The following SEMA5B variants were observed in gnomAD, a reference collection of about 807,000 sequenced individuals.
SEMA5B encodes the protein semaphorin-5B.
Under a neutral mutation model 135.0 loss-of-function variants are expected in SEMA5B, and 66 were observed. The ratio of observed to expected loss-of-function variants is 0.49; its 90% confidence interval spans 0.40 to 0.60. SEMA5B has a LOEUF of 0.60. Ranked by LOEUF, SEMA5B falls within the 20% of genes least tolerant of loss-of-function variation. The pLI, the probability that SEMA5B is intolerant of heterozygous loss-of-function variation, is 0.00. For synonymous variants in SEMA5B, 690 were observed against 639.5 expected, an observed-to-expected ratio of 1.08 and a Z score of -1.19; for missense variants, 1,501 against 1,566.3, an observed-to-expected ratio of 0.96 and a Z score of 0.70.
chr3:122,977,628 C>A (rs1941377639), intron 1 of SEMA5B, among the ~76,000 whole-genome samples: 1 of 152,174 alleles, frequency 6.6e-6, no homozygotes, highest in Non-Finnish European at 1.5e-5. Flanking sequence ...TCCAAAAACA[C>A]CCTCACAAAA....
At chr3:123,025,954 C>G (rs1222994576) in intron 1 of SEMA5B, among the ~76,000 whole-genome samples, 1 of 152,176 alleles carries the variant, frequency 6.6e-6, no homozygotes, top group Non-Finnish European at 1.5e-5. Context: ...CCTCTTGCCC[C>G]TTCCTCAAGG....
chr3:123,024,959 G>A (rs1325071517), intron 1 of SEMA5B, among the ~76,000 whole-genome samples: 3 of 152,154 alleles, frequency 2.0e-5, no homozygotes, highest in Non-Finnish European at 4.4e-5. Context: ...ATTTGAATTT[G>A]TGCTTCCCCT....
chr3:122,926,281 C>G (rs1938625866), intron 9 of SEMA5B, 111 bp downstream of exon 9: 1 of 1,056,386 alleles, frequency 9.5e-7, no homozygotes, highest in African/African-American at 1.6e-5. Context: ...CTCAGATGAC[C>G]CCCGGCAGGA....
chr3:122,913,016 G>C lies in SEMA5B; in HGVS notation c.2552C>G (p.Thr851Arg). The change falls in exon 18 of 23, where the codon ACG (threonine) becomes AGG (arginine). Residue 851 changes from threonine to arginine, a missense_variant. This residue lies in a region of SEMA5B where 927 missense variants were observed against 881.6 expected (regional missense o/e 1.05). Transcript: ENST00000357599. ...LLRSGSTSPH[T>R]VSGGWAAWGP... ...CCAGGCGGCCCAGCCCCCGCTCACC[G>C]TGTGCGGGGAGGTGCTCCCGCTGCG... 3.1e-6 allele frequency: 5 copies of C among 1,597,450 alleles called. No homozygotes were observed. Among genetic ancestry groups the C allele is most frequent in the Non-Finnish European group, 4.3e-6 (5 of 1,172,468 alleles).
chr3:122,954,520 G>C (rs975960903), intron 2 of SEMA5B, among the ~76,000 whole-genome samples: 1 of 152,202 alleles, frequency 6.6e-6, no homozygotes, highest in African/African-American at 2.4e-5. Flanking sequence ...AGGGCAGGAG[G>C]CAACCTGCCC....
Position 122,913,921 on chromosome 3 carries a change from C to G in SEMA5B, c.2069G>C (p.Ser690Thr). The change falls in exon 15 of 23, where the codon AGT (serine) becomes ACT (threonine). Residue 690 changes from serine to threonine, a missense_variant. By Grantham distance (58) the Ser-to-Thr change is moderately conservative. Coordinates refer to ENST00000357599, the MANE Select transcript of SEMA5B (RefSeq NM_001031702.4). ...CGIGFQVRQR[S>T]CSNPAPRHGG... ...GTGGCGGGGAGCAGGGTTGCTGCAA[C>G]TTCGCTGGCGGACCTGGAAGCCGAT... 1 of 1,612,838 alleles carries G rather than the reference C, an allele frequency of 6.2e-7. No individual in the cohort carries two copies. Among genetic ancestry groups the G allele is most frequent in the Non-Finnish European group, 8.5e-7 (1 of 1,179,932 alleles).
rs542141004 is a variant in SEMA5B, at chr3:122,962,490, G to A, written c.-38-1189C>T. 9.9e-5 allele frequency among the ~76,000 whole-genome samples: 15 copies of A among 152,228 alleles called. No homozygotes were observed. In the East Asian group the frequency reaches 1.9e-3, roughly 20 times the overall value. On this transcript the variant is annotated intron_variant, in intron 1 of 22. Coordinates refer to ENST00000357599, the MANE Select transcript of SEMA5B (RefSeq NM_001031702.4). ...GGGTCTGTCCCGTGAGAAAGAGGACGGCCACAAAATGGAAAGGGGAGATTG... is the reference window on the plus strand; with the variant it reads ...GGGTCTGTCCCGTGAGAAAGAGGACAGCCACAAAATGGAAAGGGGAGATTG...
rs139964637 is a variant in SEMA5B, at chr3:122,962,628, T to C, written c.-38-1327A>G. ...AGGATTTTCCAAAGTGTTCTTTAAGTAATGAGTTCCACTGTGTTCCTAAAA... is the reference window on the plus strand; with the variant it reads ...AGGATTTTCCAAAGTGTTCTTTAAGCAATGAGTTCCACTGTGTTCCTAAAA... On this transcript the variant is annotated intron_variant, in intron 1 of 22. Transcript: ENST00000357599. Among the ~76,000 whole-genome samples the C allele has an allele frequency of 4.8e-3, 727 of 151,648 alleles. 4 individuals are homozygous for C. Among genetic ancestry groups the C allele is most frequent in the African/African-American group, 0.017 (687 of 41,536 alleles).
chr3:122,917,779 G>T (rs1427827356), intron 12 of SEMA5B, among the ~76,000 whole-genome samples: 1 of 151,370 alleles, frequency 6.6e-6, no homozygotes, highest in Non-Finnish European at 1.5e-5. Context: ...TTCACTCAAG[G>T]ACAATTTGGG....
At chr3:122,955,079 G>C (rs961060851) in intron 2 of SEMA5B, among the ~76,000 whole-genome samples, 11 of 151,716 alleles carry the variant, frequency 7.3e-5, no homozygotes, top group African/African-American at 2.4e-4. Context: ...TGGGATTGCA[G>C]GTGTTGAGCC....
chr3:122,926,113 C>A (rs561887940), intron 9 of SEMA5B, among the ~76,000 whole-genome samples: 72 of 152,318 alleles, frequency 4.7e-4, no homozygotes, highest in Non-Finnish European at 9.6e-4. Context: ...TATATCCCCT[C>A]ATCCAAGGCA....
At chr3:122,963,786 T>G (rs1211622286) in intron 1 of SEMA5B, among the ~76,000 whole-genome samples, 1 of 152,228 alleles carries the variant, frequency 6.6e-6, no homozygotes, top group African/African-American at 2.4e-5. Flanking sequence ...ATAAAAATAT[T>G]GAACCCTGTT....
At chr3:122,987,090 A>G (rs1941724942) in intron 1 of SEMA5B, among the ~76,000 whole-genome samples, 1 of 152,118 alleles carries the variant, frequency 6.6e-6, no homozygotes, top group Non-Finnish European at 1.5e-5. Context: ...GAACCGGCGG[A>G]AAAAGGGATG....
rs140667505 is a variant in SEMA5B at position 122,930,895 on chromosome 3, C to A, written c.475-1837G>T. On this transcript the variant is annotated intron_variant, in intron 5 of 22. Transcript: ENST00000357599. ...CCAAGATGACTCCAGACAATTGACACCAGAACTAAGCTCTTTCTGCTACAT... is the reference window on the plus strand; with the variant it reads ...CCAAGATGACTCCAGACAATTGACAACAGAACTAAGCTCTTTCTGCTACAT... 1.9e-4 allele frequency among the ~76,000 whole-genome samples: 29 copies of A among 152,284 alleles called. 1 individual carries two copies. Among genetic ancestry groups the A allele is most frequent in the African/African-American group, 7.0e-4 (29 of 41,544 alleles).
chr3:122,913,084 C>T, intron 17 of SEMA5B, 23 bp from the exon 18 acceptor site: 1 of 1,428,096 alleles, frequency 7.0e-7, no homozygotes, highest in Non-Finnish European at 9.1e-7. Context: ...TAGGCCTCAG[C>T]GACTGGGCGC....
chr3:122,923,033 T>C (rs142673937), intron 10 of SEMA5B, among the ~76,000 whole-genome samples: 3 of 152,316 alleles, frequency 2.0e-5, no homozygotes, highest in East Asian at 1.9e-4. Context: ...ATAGGCTAGA[T>C]GGTAGGACTG....
At position 122,922,312 on chromosome 3, in the gene SEMA5B, G is replaced by T; in HGVS notation, c.1408C>A (p.Arg470Ser). The T allele has an allele frequency of 6.2e-7, 1 of 1,614,056 alleles. No homozygotes were observed. Among genetic ancestry groups the T allele is most frequent in the Non-Finnish European group, 8.5e-7 (1 of 1,179,938 alleles). Reference sequence around the variant, plus strand: ...AGGTCCACCACGAGGTGTGAGAAGCGCACGCTGTCCTGGGTGACACAGGGC... The same window carrying T: ...AGGTCCACCACGAGGTGTGAGAAGCTCACGCTGTCCTGGGTGACACAGGGC... ...PEPCVTQDSV[R>S]FSHLVVDLVQ... Residue 470 changes from arginine (R) to serine (S), a missense_variant, in exon 11 of 23, where the codon CGC (arginine) becomes AGC (serine). Physicochemically the swap from Arg to Ser is moderately radical, Grantham distance 110 (BLOSUM62 -1). This residue lies in a region of SEMA5B where 574 missense variants were observed against 684.7 expected (regional missense o/e 0.84). Coordinates refer to ENST00000357599, the MANE Select transcript of SEMA5B (RefSeq NM_001031702.4).
At chr3:122,956,139 G>T (rs1940288703) in intron 2 of SEMA5B, among the ~76,000 whole-genome samples, 1 of 152,234 alleles carries the variant, frequency 6.6e-6, no homozygotes, top group African/African-American at 2.4e-5. Context: ...AGGAGTGGGG[G>T]AGGGGAGATG....
chr3:122,938,317 C>T (rs895123804), intron 5 of SEMA5B, among the ~76,000 whole-genome samples: 3 of 152,144 alleles, frequency 2.0e-5, no homozygotes, highest in Non-Finnish European at 4.4e-5. Flanking sequence ...GATAGAAGGA[C>T]AGATGGACAG....
Sources: allele counts gnomAD v4.1 joint callset (sites outside exome capture counted in the v4.1 genomes callset), GRCh38; gene constraint gnomAD v4.1.1; regional missense constraint gnomAD v4.1.1; transcripts MANE v1.5; gene names NCBI Gene and HGNC (gene_info 2026-07-23, HGNC 2026-07-21).